Variants in SOS1 observed in about 807,000 individuals in gnomAD.
SOS1 encodes the protein SOS Ras/Rac guanine nucleotide exchange factor 1, also known as son of sevenless homolog 1.
SOS1 carries 25 observed loss-of-function variants against 157.6 expected under a neutral mutation model. That is an observed-to-expected ratio of 0.16 (90% CI 0.12 to 0.22). The LOEUF is 0.22. Ranked by LOEUF, SOS1 falls within the 10% of genes least tolerant of loss-of-function variation. The pLI is 1.00. For synonymous variants in SOS1, 528 were observed against 534.0 expected, an observed-to-expected ratio of 0.99 and a Z score of 0.16; for missense variants, 1,237 against 1,599.1, an observed-to-expected ratio of 0.77 and a Z score of 3.86.
At chr2:39,090,467 G>A (rs1489940748) in intron 1 of SOS1, among the ~76,000 whole-genome samples, 1 of 152,010 alleles carries the variant, frequency 6.6e-6, no homozygotes, top group Non-Finnish European at 1.5e-5. Flanking sequence ...AGGCCGAGGT[G>A]GGCGGATTAC....
At position 39,023,145 on chromosome 2, in the gene SOS1, T is replaced by C; in HGVS notation, c.1283A>G (p.Asn428Ser). 1 of 1,613,258 alleles carries C rather than the reference T, an allele frequency of 6.2e-7. No homozygotes were observed. Among genetic ancestry groups the C allele is most frequent in the South Asian group, 1.1e-5 (1 of 90,996 alleles). The change falls in exon 10 of 23, where the codon AAT (asparagine) becomes AGT (serine). Residue 428 changes from asparagine (N) to serine (S), a missense_variant. By Grantham distance (46) the Asn-to-Ser change is conservative. This residue lies in a region of SOS1 where 210 missense variants were observed against 220.2 expected (regional missense o/e 0.95). Transcript: ENST00000402219. ...GTCTTTTCCCTCCCAACCATCAATA[T>C]TCTTCTGAATCTCGTTCATCTTCTT... ...AIKKMNEIQK[N>S]IDGWEGKDIG...
At chr2:39,049,181 G>A (rs1189333754) in intron 6 of SOS1, among the ~76,000 whole-genome samples, 1 of 152,148 alleles carries the variant, frequency 6.6e-6, no homozygotes, top group Non-Finnish European at 1.5e-5. Context: ...GCCTCCCAAA[G>A]TGCTGGGATT....
chr2:39,014,395 T>C (rs1452402518), intron 11 of SOS1, among the ~76,000 whole-genome samples: 1 of 152,076 alleles, frequency 6.6e-6, no homozygotes, highest in Non-Finnish European at 1.5e-5. Context: ...ATATTTTCCT[T>C]CCATCACAGT....
At chr2:38,991,359 T>C (rs986443490) in intron 20 of SOS1, among the ~76,000 whole-genome samples, 1 of 152,230 alleles carries the variant, frequency 6.6e-6, no homozygotes, top group African/African-American at 2.4e-5. Context: ...CAGCTTGACA[T>C]ACTTGTAATA....
intron 1 of SOS1, among the ~76,000 whole-genome samples, chr2:39,084,406 T>C (rs1160516599): frequency 1.3e-5 from 2 of 152,120 alleles, no homozygotes; most frequent in African/African-American, 4.8e-5. Context: ...TAAGTATATA[T>C]TTATACACGA....
chr2:39,110,193 C>T (rs1464327799), intron 1 of SOS1, among the ~76,000 whole-genome samples: 1 of 152,034 alleles, frequency 6.6e-6, no homozygotes, highest in Non-Finnish European at 1.5e-5. Context: ...AATGGTGTAG[C>T]ATTTGCATAC....
At chr2:39,015,907 A>G (rs1271835701) in intron 10 of SOS1, among the ~76,000 whole-genome samples, 2 of 150,658 alleles carry the variant, frequency 1.3e-5, no homozygotes, top group Non-Finnish European at 1.5e-5. Flanking sequence ...GTAGACTCCA[A>G]TAGTAAATTC....
intron 8 of SOS1, among the ~76,000 whole-genome samples, chr2:39,025,912 C>T (rs983802054): frequency 1.3e-5 from 2 of 152,100 alleles, no homozygotes; most frequent in Non-Finnish European, 2.9e-5. Context: ...GTCAAATATT[C>T]TAGAAGTAAT....
At chr2:39,004,593 C>A (rs1339089606) in intron 17 of SOS1, among the ~76,000 whole-genome samples, 3 of 151,088 alleles carry the variant, frequency 2.0e-5, no homozygotes, top group African/African-American at 2.4e-5. Context: ...ATAAAAAAAG[C>A]TAGAAGAAAA....
intron 17 of SOS1, among the ~76,000 whole-genome samples, 164 bp downstream of exon 17, chr2:39,006,248 C>CT (rs1302528065): frequency 6.6e-6 from 1 of 152,096 alleles, no homozygotes; most frequent in Non-Finnish European, 1.5e-5. Context: ...TAGACTTCAC[C>CT]TTAAGTCTTA....
intron 2 of SOS1, among the ~76,000 whole-genome samples, chr2:39,059,103 C>G (rs987236835): frequency 6.6e-6 from 1 of 152,026 alleles, no homozygotes; most frequent in Admixed American, 6.6e-5. Context: ...TTAAATAGTA[C>G]TTGTATAAAA....
At chr2:39,035,768 A>T (rs562374275) in intron 6 of SOS1, among the ~76,000 whole-genome samples, 1 of 152,220 alleles carries the variant, frequency 6.6e-6, no homozygotes, top group South Asian at 2.1e-4. Flanking sequence ...TTATCAACAA[A>T]CATGGCCATA....
chr2:39,011,344 G>C (rs991251972), intron 14 of SOS1, among the ~76,000 whole-genome samples: 2 of 152,072 alleles, frequency 1.3e-5, no homozygotes, highest in African/African-American at 4.8e-5. Context: ...AAATTAGGGT[G>C]ACAAAGTAGA....
chr2:39,057,063 G>T (rs1480559151), intron 3 of SOS1, among the ~76,000 whole-genome samples, 197 bp from the exon 4 acceptor site: 1 of 152,128 alleles, frequency 6.6e-6, no homozygotes, highest in Non-Finnish European at 1.5e-5. Flanking sequence ...CTAAGAAAAG[G>T]CAAGGCAAAA....
intron 10 of SOS1, among the ~76,000 whole-genome samples, chr2:39,017,267 C>T (rs1287142240): frequency 6.6e-6 from 1 of 152,004 alleles, no homozygotes; most frequent in African/African-American, 2.4e-5. Flanking sequence ...AAAGTTTCCA[C>T]AGCTGTGAGA....
intron 21 of SOS1, among the ~76,000 whole-genome samples, chr2:38,988,230 C>T (rs1356281664): frequency 1.3e-5 from 2 of 152,112 alleles, no homozygotes; most frequent in Non-Finnish European, 2.9e-5. Context: ...TTCAAGACAA[C>T]GGAGGCAGCC....
chr2:38,987,831 GA>G, intron 21 of SOS1: 1 of 450,154 alleles, frequency 2.2e-6, no homozygotes, highest in South Asian at 2.4e-5. Flanking sequence ...TATTTTGCCT[GA>G]ACAAAATAAC....
chr2:39,055,961 G>A (rs1389378306), intron 4 of SOS1, among the ~76,000 whole-genome samples: 1 of 152,102 alleles, frequency 6.6e-6, no homozygotes, highest in Non-Finnish European at 1.5e-5. Flanking sequence ...CCACATATAT[G>A]CTTAACCTTC....
At position 39,007,174 on chromosome 2, in the gene SOS1, T is replaced by G. The variant is rs768457896; in HGVS notation, c.2530A>C (p.Asn844His). 1 of 1,602,310 alleles carries G rather than the reference T, an allele frequency of 6.2e-7. No homozygotes were observed. The highest frequency in any genetic ancestry group is 8.6e-7 in the Non-Finnish European group (1 of 1,169,428). The change falls in exon 16 of 23, where the codon AAT becomes CAT. Residue 844 changes from asparagine to histidine, a missense_variant. Physicochemically the swap from Asn to His is moderately conservative, Grantham distance 68. Coordinates refer to ENST00000402219, the MANE Select transcript of SOS1 (RefSeq NM_005633.4). The part of the protein sequence containing the change: ...WFEKCIVETE[N>H]LEERVAVVSR... ...ACCACAGCTACTCTTTCTTCTAAAT[T>G]TTCAGTTTCTACAATACATCTGGGA...
Sources: gnomAD v4.1 joint callset for allele counts (sites outside exome capture counted in the v4.1 genomes callset) on GRCh38, gnomAD v4.1.1 for gene constraint, gnomAD v4.1.1 regional missense constraint, MANE v1.5 for transcripts, NCBI Gene and HGNC (gene_info 2026-07-23, HGNC 2026-07-21) for gene names.